Variants in SLC26A7 observed in about 807,000 individuals in gnomAD.
The protein encoded by SLC26A7 is solute carrier family 26 member 7.
Under a neutral mutation model 82.5 loss-of-function variants are expected in SLC26A7, and 59 were observed. The ratio of observed to expected loss-of-function variants is 0.72; its 90% confidence interval spans 0.58 to 0.89. SLC26A7 has a LOEUF of 0.89. Ranked by LOEUF, SLC26A7 falls within the 40% of genes least tolerant of loss-of-function variation. The pLI is 0.00. For missense variants in SLC26A7, 820 were observed against 793.0 expected (o/e 1.03, Z -0.41); for synonymous variants, 271 against 274.3 (o/e 0.99, Z 0.12).
At chr8:91,233,052 G>T (rs569079163) in intron 2 of SLC26A7, among the ~76,000 whole-genome samples, 11 of 152,290 alleles carry the variant, frequency 7.2e-5, no homozygotes, top group Admixed American at 7.2e-4. Context: ...TTTTCAAGAT[G>T]CTGCCACAGT....
chr8:91,393,875 G>A (rs560982266), intron 17 of SLC26A7, 24 bp downstream of exon 17: 66 of 1,613,346 alleles, frequency 4.1e-5, no homozygotes, highest in South Asian at 3.4e-4. Context: ...CCTGACTAAC[G>A]TTGAATGTGA....
chr8:91,257,687 A>C (rs186928846), intron 2 of SLC26A7, among the ~76,000 whole-genome samples: 1 of 151,658 alleles, frequency 6.6e-6, no homozygotes, highest in Non-Finnish European at 1.5e-5. Flanking sequence ...CCTTCTATAC[A>C]GTTTGTTTTT....
intron 5 of SLC26A7, among the ~76,000 whole-genome samples, chr8:91,318,796 G>A (rs1293655595): frequency 6.6e-6 from 1 of 152,158 alleles, no homozygotes; most frequent in African/African-American, 2.4e-5. Flanking sequence ...GGTGGCTGAA[G>A]CCTCAGTAGC....
At chr8:91,365,841 T>C (rs1209291749) in intron 13 of SLC26A7, among the ~76,000 whole-genome samples, 1 of 152,200 alleles carries the variant, frequency 6.6e-6, no homozygotes, top group Non-Finnish European at 1.5e-5. Flanking sequence ...CTTTACTTAG[T>C]TGGTAAGGAG....
At chr8:91,358,465 G>A (rs1408606311) in intron 11 of SLC26A7, among the ~76,000 whole-genome samples, 1 of 151,776 alleles carries the variant, frequency 6.6e-6, no homozygotes, top group Admixed American at 6.6e-5. Flanking sequence ...AAGTAGCTGG[G>A]ACTACAGGTG....
At chr8:91,284,119 G>A (rs4590400) in intron 2 of SLC26A7, among the ~76,000 whole-genome samples, 88,089 of 152,018 alleles carry the variant, frequency 0.58, 27,460 homozygotes, top group Non-Finnish European at 0.7. Context: ...AAAGTTTTCC[G>A]TTTTTGTAGA....
intron 8 of SLC26A7, among the ~76,000 whole-genome samples, chr8:91,342,343 T>C (rs938390666): frequency 6.6e-6 from 1 of 152,232 alleles, no homozygotes; most frequent in African/African-American, 2.4e-5. Flanking sequence ...TTATCTTGTT[T>C]ATTGCCAGCA....
chr8:91,292,999 T>C (rs895771349), intron 3 of SLC26A7, among the ~76,000 whole-genome samples: 1 of 152,224 alleles, frequency 6.6e-6, no homozygotes, highest in Non-Finnish European at 1.5e-5. Context: ...TAAACAATTA[T>C]TTACTGATGG....
rs138133827 is a variant in SLC26A7 at position 91,304,114 on chromosome 8, C to T, written c.477+8411C>T. ...TTTGACAAGCTCTGTTCTAAGCTTA[C>T]TACATGTATTCATATATTCAATCCT... is the stretch of plus-strand genomic sequence containing the variant. On this transcript the variant is annotated intron_variant, in intron 4 of 18. Transcript: ENST00000276609. 3.5e-4 allele frequency among the ~76,000 whole-genome samples: 54 copies of T among 152,272 alleles called. No individual in the cohort carries two copies. In the East Asian group the frequency reaches 9.6e-3, roughly 27 times the overall value.
At chr8:91,253,820 C>T (rs1018063096) in intron 2 of SLC26A7, among the ~76,000 whole-genome samples, 2 of 152,038 alleles carry the variant, frequency 1.3e-5, no homozygotes, top group African/African-American at 4.8e-5. Context: ...GGAAACAAGA[C>T]AATGTCTTAA....
chr8:91,270,512 G>A (rs1811240349), intron 2 of SLC26A7, among the ~76,000 whole-genome samples: 1 of 152,088 alleles, frequency 6.6e-6, no homozygotes, highest in Non-Finnish European at 1.5e-5. Context: ...CCAGGACAGG[G>A]GACAGCTCCA....
intron 2 of SLC26A7, among the ~76,000 whole-genome samples, chr8:91,232,046 C>A (rs368145323): frequency 2.0e-5 from 3 of 152,194 alleles, no homozygotes; most frequent in South Asian, 4.2e-4. Flanking sequence ...CTAAGATTTT[C>A]AAGCTCACAA....
chr8:91,303,612 AGCCTT>A (rs1812225751), intron 4 of SLC26A7, among the ~76,000 whole-genome samples: 1 of 152,182 alleles, frequency 6.6e-6, no homozygotes, highest in South Asian at 2.1e-4. Flanking sequence ...TTAGTGACAA[AGCCTT>A]GTATTATGAT....
rs572151194 is a variant in SLC26A7, at chr8:91,288,859, A to C, written c.194-277A>C. On this transcript the variant is annotated intron_variant, in intron 2 of 18. Coordinates refer to ENST00000276609, the MANE Select transcript of SLC26A7 (RefSeq NM_052832.4). ...TTACAATGTTACTGTCCAACCTACC[A>C]TTCAACAGGAAGACTCTCTGAACCA... Among the ~76,000 whole-genome samples the C allele has an allele frequency of 5.3e-5, 8 of 152,298 alleles. No individual in the cohort carries two copies. In the East Asian group the frequency reaches 1.3e-3, roughly 26 times the overall value.
chr8:91,277,399 C>T (rs1811434569), intron 2 of SLC26A7, among the ~76,000 whole-genome samples: 1 of 152,088 alleles, frequency 6.6e-6, no homozygotes, highest in African/African-American at 2.4e-5. Flanking sequence ...CTTTCAAAGT[C>T]AATATTTTTT....
Position 91,389,397 on chromosome 8 carries a change from T to A in SLC26A7, c.1735T>A (p.Phe579Ile), listed in dbSNP as rs756011483. 3 of 1,614,004 alleles carry A rather than the reference T, an allele frequency of 1.9e-6. No homozygotes were observed. Among genetic ancestry groups the A allele is most frequent in the African/African-American group, 2.7e-5 (2 of 75,058 alleles). Residue 579 changes from phenylalanine to isoleucine, a missense_variant, in exon 16 of 19, where the codon TTT becomes ATT. By Grantham distance (21) the Phe-to-Ile change is conservative. Transcript: ENST00000276609. ...KCYLILDCSG[F>I]TFFDYSGVSM... Reference sequence around the variant, plus strand: ...TTATTTAATCCTGGATTGCAGTGGATTTACCTTTTTTGACTATTCTGGAGT... The same window carrying A: ...TTATTTAATCCTGGATTGCAGTGGAATTACCTTTTTTGACTATTCTGGAGT...
chr8:91,364,031 T>A (rs1159249976), intron 13 of SLC26A7, among the ~76,000 whole-genome samples: 1 of 151,514 alleles, frequency 6.6e-6, no homozygotes, highest in African/African-American at 2.4e-5. Context: ...GCCAATAGAA[T>A]TGGTTTCTTA....
chr8:91,372,983 G>A (rs1273000246), intron 15 of SLC26A7, among the ~76,000 whole-genome samples: 1 of 151,560 alleles, frequency 6.6e-6, no homozygotes, highest in African/African-American at 2.4e-5. Flanking sequence ...TTTTTTTGTG[G>A]CAGTTGTAAA....
At chr8:91,239,395 A>AATATATATATATATATATATAT (rs1554600120) in intron 2 of SLC26A7, among the ~76,000 whole-genome samples, 1 of 94,860 alleles carries the variant, frequency 1.1e-5, no homozygotes, top group African/African-American at 3.5e-5. Context: ...AAAAAAAAAA[A>AATATATATATATATATATATAT]ATATATATAT....
Sources: gnomAD v4.1 joint callset for allele counts (sites outside exome capture counted in the v4.1 genomes callset) on GRCh38, gnomAD v4.1.1 for gene constraint, MANE v1.5 for transcripts, NCBI Gene and HGNC (gene_info 2026-07-23, HGNC 2026-07-21) for gene names.